The following FGF2 variants were observed in gnomAD, a reference collection of about 807,000 sequenced individuals.
FGF2 encodes basic fibroblast growth factor bFGF.
Under a neutral mutation model 15.9 loss-of-function variants are expected in FGF2, and 13 were observed. The observed-to-expected ratio is 0.82, with a 90% CI of 0.53 to 1.30. FGF2 has a LOEUF of 1.30. Ranked by LOEUF, FGF2 falls within the 50% of genes most tolerant of loss-of-function variation. The pLI, the probability that FGF2 is intolerant of heterozygous loss-of-function variation, is 0.00. For missense variants in FGF2, 163 were observed against 196.9 expected, an observed-to-expected ratio of 0.83 and a Z score of 1.03; for synonymous variants, 90 against 78.4, an observed-to-expected ratio of 1.15 and a Z score of -0.78.
chr4:122,836,012 T>G (rs1488055755), intron 1 of FGF2, among the ~76,000 whole-genome samples: 1 of 152,244 alleles, frequency 6.6e-6, no homozygotes, highest in East Asian at 1.9e-4. Context: ...CCCAACAGAC[T>G]TCTTTGTGAA....
At chr4:122,887,764 G>A (rs1039387470) in intron 2 of FGF2, among the ~76,000 whole-genome samples, 1 of 152,072 alleles carries the variant, frequency 6.6e-6, no homozygotes, top group African/African-American at 2.4e-5. Flanking sequence ...GCCTCCAGGG[G>A]AACCTTGAGG....
chr4:122,872,970 A>C (rs1726771119), intron 1 of FGF2, among the ~76,000 whole-genome samples: 1 of 152,264 alleles, frequency 6.6e-6, no homozygotes, highest in Non-Finnish European at 1.5e-5. Flanking sequence ...TGCATCAGCT[A>C]GTGTGCAAAA....
chr4:122,830,293 G>A (rs974879530), intron 1 of FGF2, among the ~76,000 whole-genome samples: 3 of 152,182 alleles, frequency 2.0e-5, no homozygotes, highest in Admixed American at 2.0e-4. Flanking sequence ...TCCTGGAGAG[G>A]TGCAGGGGAA....
intron 1 of FGF2, among the ~76,000 whole-genome samples, chr4:122,850,006 A>G (rs1726195751): frequency 6.6e-6 from 1 of 152,240 alleles, no homozygotes; most frequent in South Asian, 2.1e-4. Context: ...TCACGCCTGT[A>G]ATCCCAGCAA....
intron 1 of FGF2, among the ~76,000 whole-genome samples, chr4:122,866,658 G>A (rs187627816): frequency 1.3e-5 from 2 of 152,334 alleles, no homozygotes; most frequent in East Asian, 3.9e-4. Flanking sequence ...CAACTAGGAT[G>A]CCTATAATTG....
chr4:122,872,494 G>C (rs775991465), intron 1 of FGF2, among the ~76,000 whole-genome samples: 9 of 151,892 alleles, frequency 5.9e-5, no homozygotes, highest in Non-Finnish European at 1.0e-4. Flanking sequence ...AGCAAGACAG[G>C]CCAACATGCA....
intron 1 of FGF2, among the ~76,000 whole-genome samples, chr4:122,830,382 A>T (rs1412872358): frequency 6.6e-6 from 1 of 151,738 alleles, no homozygotes; most frequent in Non-Finnish European, 1.5e-5. Context: ...AGATGACACA[A>T]CACAAATGTT....
intron 1 of FGF2, among the ~76,000 whole-genome samples, chr4:122,834,062 G>A (rs1416523803): frequency 3.9e-5 from 6 of 152,168 alleles, no homozygotes; most frequent in Admixed American, 3.9e-4. Flanking sequence ...TGGAGGGTGA[G>A]GGGTTATGGA....
In FGF2 at chr4:122,896,771, T is replaced by C. The variant is rs957271937; in HGVS notation, c.*4375T>C. 3 of 152,202 alleles carry C rather than the reference T, an allele frequency of 2.0e-5. No individual in the cohort carries two copies. Among genetic ancestry groups the C allele is most frequent in the African/African-American group, 7.2e-5 (3 of 41,456 alleles). 9.4% of individuals were successfully genotyped at this position (152,202 alleles called of 1,614,324 possible). A position where few individuals can be genotyped will look rare whatever the true frequency, so the allele number is the denominator to read the frequency against. On this transcript the variant is annotated 3_prime_UTR_variant, in exon 3 of 3. Transcript: ENST00000644866. Reference sequence around the variant, plus strand: ...AAATCAAGCTTTAAGTACATGGACATTTTTAAATAAAATATTTAAAGACAA... The same window carrying C: ...AAATCAAGCTTTAAGTACATGGACACTTTTAAATAAAATATTTAAAGACAA...
intron 1 of FGF2, among the ~76,000 whole-genome samples, chr4:122,857,846 T>G (rs1254440094): frequency 6.6e-6 from 1 of 152,246 alleles, no homozygotes; most frequent in Non-Finnish European, 1.5e-5. Flanking sequence ...CATTGTATGT[T>G]GCACTTATTT....
rs560040299 is a variant in FGF2, at chr4:122,850,318, A to G, written c.178+22966A>G. ...AAAGTTGTGAGTTGAGCAAAATGTT[A>G]TATATTTGTTTCTGGTCTTGGAACA... On this transcript the variant is annotated intron_variant, in intron 1 of 2. Transcript: ENST00000644866. Among the ~76,000 whole-genome samples the G allele has an allele frequency of 9.9e-5, 15 of 152,262 alleles. No homozygotes were observed. The East Asian group carries it at 2.5e-3, about 25-fold the overall frequency.
In FGF2 at chr4:122,869,678, A is replaced by G. The variant is rs550653744; in HGVS notation, c.179-6643A>G. Reference sequence around the variant, plus strand: ...AAAGGAATGCTTGTGATTTTTCCACATTGATTTTGTATCCCGAGACTTTGC... The same window carrying G: ...AAAGGAATGCTTGTGATTTTTCCACGTTGATTTTGTATCCCGAGACTTTGC... On this transcript the variant is annotated intron_variant, in intron 1 of 2. Coordinates refer to ENST00000644866, the MANE Select transcript of FGF2 (RefSeq NM_001361665.2). Among the ~76,000 whole-genome samples the G allele has an allele frequency of 2.5e-4, 38 of 152,308 alleles. No individual in the cohort carries two copies. The Middle Eastern group carries it at 0.01, about 41-fold the overall frequency.
At chr4:122,847,603 CTCTATCTA>C (rs34233719) in intron 1 of FGF2, among the ~76,000 whole-genome samples, 213 of 142,004 alleles carry the variant, frequency 1.5e-3, no homozygotes, top group African/African-American at 3.0e-3. Context: ...TAGGAGATCA[CTCTATCTA>C]TCTATCTATC....
rs10049563 is a variant in FGF2, at chr4:122,831,180, T to C, written c.178+3828T>C. 3.3e-3 allele frequency among the ~76,000 whole-genome samples: 497 copies of C among 152,356 alleles called. 2 individuals carry two copies. Among genetic ancestry groups the C allele is most frequent in the African/African-American group, 0.011 (472 of 41,582 alleles). On this transcript the variant is annotated intron_variant, in intron 1 of 2. Transcript: ENST00000644866. The stretch of plus-strand genomic sequence containing the variant: ...CAAGTTCACTTGTGGGTTTCCTCTT[T>C]TTTTATCCTGAATGAGCTTCTTACC...
intron 1 of FGF2, among the ~76,000 whole-genome samples, chr4:122,844,585 T>TCC (rs3034594): frequency 0.056 from 7,942 of 140,716 alleles, 260 homozygotes; most frequent in Admixed American, 0.1. Flanking sequence ...CTTTCTTTCT[T>TCC]TCTTCCTTCC....
chr4:122,828,732 A>G (rs530245124), intron 1 of FGF2, among the ~76,000 whole-genome samples: 2 of 152,246 alleles, frequency 1.3e-5, no homozygotes, highest in African/African-American at 2.4e-5. Context: ...CAGGCTTGCC[A>G]TAATTTAAAA....
chr4:122,859,658 A>ACACACACACG (rs1560746978), intron 1 of FGF2, among the ~76,000 whole-genome samples: 1 of 137,620 alleles, frequency 7.3e-6, no homozygotes, highest in African/African-American at 3.1e-5. Flanking sequence ...GTATATACAC[A>ACACACACACG]CACACACACA....
At position 122,893,226 on chromosome 4, in the gene FGF2, C is replaced by T; in HGVS notation, c.*830C>T. The T allele has an allele frequency of 1.3e-6, 2 of 1,586,624 alleles. No homozygotes were observed. Among genetic ancestry groups the T allele is most frequent in the Non-Finnish European group, 1.7e-6 (2 of 1,166,662 alleles). On this transcript the variant is annotated 3_prime_UTR_variant, in exon 3 of 3. Coordinates refer to ENST00000644866, the MANE Select transcript of FGF2 (RefSeq NM_001361665.2). ...AAAACTTCTCGAACCGCTGTGTCTCCTACGTAAAAAAAGAGATGTACAAAT... is the reference window on the plus strand; with the variant it reads ...AAAACTTCTCGAACCGCTGTGTCTCTTACGTAAAAAAAGAGATGTACAAAT...
chr4:122,885,913 C>CTTT lies in FGF2; in HGVS notation c.283-6277_283-6275dup, dbSNP rs11310783. Among the ~76,000 whole-genome samples, 316 of 84,482 alleles carry CTTT rather than the reference C, an allele frequency of 3.7e-3. 4 individuals carry two copies. Among genetic ancestry groups the CTTT allele is most frequent in the Middle Eastern group, 0.012 (1 of 84 alleles). The allele number at this position is 84,482 out of a possible 152,430, so 55.4% of individuals were successfully genotyped here. ...TTCAACTTGCTTGATTTTTTTTTTC[C>CTTT]TTTTTTTTTTTTTTTTTTTTTTTGA... is the stretch of plus-strand genomic sequence containing the variant. On this transcript the variant is annotated intron_variant, in intron 2 of 2. Coordinates refer to ENST00000644866, the MANE Select transcript of FGF2 (RefSeq NM_001361665.2).
Sources: gnomAD v4.1 joint callset for allele counts (sites outside exome capture counted in the v4.1 genomes callset) on GRCh38, gnomAD v4.1.1 for gene constraint, MANE v1.5 for transcripts, NCBI Gene and HGNC (gene_info 2026-07-23, HGNC 2026-07-21) for gene names.